ZNF518A: variants seen among roughly 807,000 people sequenced by gnomAD.
ZNF518A encodes the protein zinc finger protein 518A, also known as zinc finger protein 518.
A neutral mutation model predicts 102.7 loss-of-function variants in ZNF518A; 47 were observed. The observed-to-expected ratio is 0.46, with a 90% CI of 0.36 to 0.58. The LOEUF (loss-of-function observed/expected upper bound fraction) is 0.58, where lower values mean the gene tolerates loss of function less well. ZNF518A is among the 20% of genes least tolerant of loss of function. The pLI is 0.00. For missense variants in ZNF518A, 1,793 were observed against 1,699.8 expected (o/e 1.05, Z -0.96); for synonymous variants, 652 against 594.6 (o/e 1.10, Z -1.40).
At chr10:96,137,290 T>A (rs2081647116) in intron 3 of ZNF518A, among the ~76,000 whole-genome samples, 1 of 152,252 alleles carries the variant, frequency 6.6e-6, no homozygotes, top group Non-Finnish European at 1.5e-5. Flanking sequence ...TAGATCATTT[T>A]AATAAGCGTG....
Position 96,159,755 on chromosome 10 carries a change from C to G in ZNF518A, c.3433C>G (p.Leu1145Val), listed in dbSNP as rs782021590. Reference sequence around the variant, plus strand: ...TGAAGGAACACCACAAAGAATATTGCTGAAAATTTTTAACCCTGTTTTAAA... The same window carrying G: ...TGAAGGAACACCACAAAGAATATTGGTGAAAATTTTTAACCCTGTTTTAAA... ...KPEGTPQRIL[L>V]KIFNPVLNVT... Residue 1145 changes from leucine to valine, a missense_variant, in exon 6 of 6, where the codon CTG becomes GTG. This residue lies in a region of ZNF518A where 1,741 missense variants were observed against 1,622.6 expected (regional missense o/e 1.07). Transcript: ENST00000316045. 6.2e-7 allele frequency: 1 copy of G among 1,613,312 alleles called. No homozygotes were observed. Among genetic ancestry groups the G allele is most frequent in the Non-Finnish European group, 8.5e-7 (1 of 1,179,750 alleles).
chr10:96,167,178 A>T (rs1165599801), downstream of ZNF518A, among the ~76,000 whole-genome samples: 1 of 152,218 alleles, frequency 6.6e-6, no homozygotes, highest in African/African-American at 2.4e-5. Flanking sequence ...TATGTTCAAA[A>T]GGCTGAGTGC....
chr10:96,141,617 A>G (rs1208151696), intron 3 of ZNF518A, among the ~76,000 whole-genome samples: 3 of 152,192 alleles, frequency 2.0e-5, no homozygotes, highest in South Asian at 2.1e-4. Context: ...ACCAATATCA[A>G]TTGCATACCA....
At chr10:96,166,330 A>C (rs781898968), downstream of ZNF518A, among the ~76,000 whole-genome samples, 2 of 152,210 alleles carry the variant, frequency 1.3e-5, no homozygotes, top group Non-Finnish European at 2.9e-5. Flanking sequence ...TAATGCATTC[A>C]AGTTGACACT....
At chr10:96,183,227 C>T (rs974252669) in intron 1 of ZNF518A, among the ~76,000 whole-genome samples, 27 of 152,080 alleles carry the variant, frequency 1.8e-4, no homozygotes, top group Middle Eastern at 6.8e-3. Context: ...ATTAGTCTTG[C>T]TAGTGTTCTA....
chr10:96,156,573 C>A lies in ZNF518A; in HGVS notation c.251C>A (p.Ser84Tyr), dbSNP rs1418101856. The A allele has an allele frequency of 1.2e-6, 2 of 1,613,238 alleles. No individual in the cohort carries two copies. Among genetic ancestry groups the A allele is most frequent in the Admixed American group, 1.7e-5 (1 of 59,946 alleles). Residue 84 changes from serine to tyrosine, a missense_variant, in exon 6 of 6, where the codon TCT (serine) becomes TAT (tyrosine). This residue lies in a region of ZNF518A where 1,741 missense variants were observed against 1,622.6 expected (regional missense o/e 1.07). Transcript: ENST00000316045. ...FQSKQQTARK[S>Y]ISIKTVSCVE... ...AGTAAACAGCAGACTGCAAGAAAAT[C>A]TATCAGTATAAAGACTGTAAGCTGT...
chr10:96,181,476 T>C (rs1461904306), intron 1 of ZNF518A, among the ~76,000 whole-genome samples: 1 of 151,836 alleles, frequency 6.6e-6, no homozygotes, highest in East Asian at 1.9e-4. Context: ...TTTATGGTTT[T>C]AGGTCTAACA....
At chr10:96,142,827 A>G (rs1480280840) in intron 3 of ZNF518A, among the ~76,000 whole-genome samples, 24 of 147,086 alleles carry the variant, frequency 1.6e-4, no homozygotes, top group African/African-American at 5.8e-4. Flanking sequence ...TTTTATTGCG[A>G]CAGAGTCTCG....
intron 1 of ZNF518A, among the ~76,000 whole-genome samples, chr10:96,196,418 A>AT (rs201144805): frequency 1.9e-3 from 295 of 151,748 alleles, no homozygotes; most frequent in African/African-American, 2.9e-3. Context: ...GACCCATGTG[A>AT]TTTTTTTTTC....
intron 3 of ZNF518A, among the ~76,000 whole-genome samples, chr10:96,153,015 G>T (rs10882730): frequency 0.031 from 4,684 of 152,232 alleles, 239 homozygotes; most frequent in East Asian, 0.17. Context: ...ACCCTGGGAT[G>T]CTGGTAGTAT....
downstream of ZNF518A, among the ~76,000 whole-genome samples, chr10:96,165,816 A>G (rs1216146250): frequency 1.3e-5 from 2 of 152,192 alleles, no homozygotes; most frequent in African/African-American, 4.8e-5. Flanking sequence ...TTTCAGAGAT[A>G]CAGAACCAAT....
chr10:96,159,155 A>G lies in ZNF518A; in HGVS notation c.2833A>G (p.Thr945Ala). 6.2e-7 allele frequency: 1 copy of G among 1,613,714 alleles called. No individual in the cohort carries two copies. The highest frequency in any genetic ancestry group is 8.5e-7 in the Non-Finnish European group (1 of 1,179,748). The change falls in exon 6 of 6, where the codon ACT becomes GCT. Residue 945 changes from threonine to alanine, a missense_variant. By Grantham distance (58) the Thr-to-Ala change is moderately conservative. Coordinates refer to ENST00000316045, the MANE Select transcript of ZNF518A (RefSeq NM_001330736.2). The stretch of plus-strand genomic sequence containing the variant: ...AGGATTCTTAATACCATTGAACATT[A>G]CTAACAAGCCTGGGCTACCAGTTAT... ...SKGFLIPLNI[T>A]NKPGLPVIPG...
chr10:96,132,826 G>A (rs1187313013), intron 2 of ZNF518A, 156 bp downstream of exon 2: 1 of 151,964 alleles, frequency 6.6e-6, no homozygotes, highest in African/African-American at 2.4e-5. Context: ...GATGGTCAAA[G>A]GAAATGCTCT....
intron 1 of ZNF518A, among the ~76,000 whole-genome samples, chr10:96,172,187 A>G (rs1317412901): frequency 7.4e-6 from 1 of 134,708 alleles, no homozygotes; most frequent in African/African-American, 2.5e-5. Context: ...CATTACATGA[A>G]AGTAAGTAAG....
At chr10:96,202,702 A>C (rs1486792329) in intron 1 of ZNF518A, among the ~76,000 whole-genome samples, 2 of 152,184 alleles carry the variant, frequency 1.3e-5, no homozygotes, top group African/African-American at 4.8e-5. Flanking sequence ...CTCCCAGGTG[A>C]GAGCAGCAAA....
rs57745529 is a variant in ZNF518A, at chr10:96,174,739, CAGAT to C, written n.35+18715_35+18718del. Among the ~76,000 whole-genome samples the C allele has an allele frequency of 8.6e-3, 1,296 of 151,112 alleles. 8 individuals are homozygous for C. The highest frequency in any genetic ancestry group is 0.015 in the African/African-American group (620 of 41,238). On this transcript the variant is annotated intron_variant and non_coding_transcript_variant, in intron 1 of 2. Coordinates refer to the ZNF518A transcript ENST00000442635. ...TTAGTAAAGTCTACCAAAAAAATTACAGATAGATAGATAGATAGATAGATAGCAA... is the reference window on the plus strand; with the variant it reads ...TTAGTAAAGTCTACCAAAAAAATTACAGATAGATAGATAGATAGATAGCAA...
chr10:96,143,841 T>TA (rs782745933), intron 3 of ZNF518A, among the ~76,000 whole-genome samples: 4 of 152,232 alleles, frequency 2.6e-5, no homozygotes, highest in Non-Finnish European at 4.4e-5. Context: ...TTAAAAAAAT[T>TA]AAACTATTGT....
At chr10:96,178,700 C>A (rs1375356420) in intron 1 of ZNF518A, among the ~76,000 whole-genome samples, 1 of 151,832 alleles carries the variant, frequency 6.6e-6, no homozygotes, top group South Asian at 2.1e-4. Flanking sequence ...ATTGATAAAC[C>A]TTTAGCTAGA....
chr10:96,140,824 C>A (rs1554876243), intron 3 of ZNF518A, among the ~76,000 whole-genome samples: 2 of 151,794 alleles, frequency 1.3e-5, no homozygotes, highest in African/African-American at 4.8e-5. Flanking sequence ...ACCTATAGTC[C>A]CAGCTACTTG....
Sources: allele counts gnomAD v4.1 joint callset (sites outside exome capture counted in the v4.1 genomes callset), GRCh38; gene constraint gnomAD v4.1.1; regional missense constraint gnomAD v4.1.1; transcripts MANE v1.5; gene names NCBI Gene and HGNC (gene_info 2026-07-23, HGNC 2026-07-21).